Variants in STPG2 observed in about 807,000 individuals in gnomAD.
STPG2 encodes the protein sperm tail PG-rich repeat containing 2.
A neutral mutation model predicts 54.2 loss-of-function variants in STPG2; 56 were observed. The observed-to-expected ratio is 1.03, with a 90% CI of 0.83 to 1.29. STPG2 has a LOEUF of 1.29. Among genes scored for constraint, STPG2 ranks in the 50% most tolerant of loss-of-function variants. STPG2 has a pLI of 0.00. For missense variants in STPG2, 596 were observed against 544.9 expected, an observed-to-expected ratio of 1.09 and a Z score of -0.93; for synonymous variants, 200 against 181.8, an observed-to-expected ratio of 1.10 and a Z score of -0.81.
At chr4:97,571,896 T>G (rs750983882) in intron 10 of STPG2, among the ~76,000 whole-genome samples, 3 of 152,156 alleles carry the variant, frequency 2.0e-5, no homozygotes, top group Admixed American at 1.3e-4. Context: ...TGCAAGTATA[T>G]GTATGACATT....
At chr4:97,767,575 T>C (rs1423003690) in intron 9 of STPG2, among the ~76,000 whole-genome samples, 1 of 152,206 alleles carries the variant, frequency 6.6e-6, no homozygotes, top group African/African-American at 2.4e-5. Context: ...TATGTTTCTG[T>C]GCAGTTTGTT....
intron 8 of STPG2, among the ~76,000 whole-genome samples, chr4:97,841,907 G>T (rs1041186024): frequency 6.6e-5 from 10 of 151,642 alleles, no homozygotes; most frequent in African/African-American, 2.2e-4. Flanking sequence ...TCTATAAAAG[G>T]GTTAAGTGAA....
At chr4:97,499,144 T>C (rs927248741) in intron 4 of STPG2, among the ~76,000 whole-genome samples, 1 of 151,382 alleles carries the variant, frequency 6.6e-6, no homozygotes. Context: ...TGAGAAAGTA[T>C]CATCAAGAGT....
At chr4:97,940,763 T>G (rs1170979893) in intron 8 of STPG2, among the ~76,000 whole-genome samples, 1 of 152,174 alleles carries the variant, frequency 6.6e-6, no homozygotes, top group Non-Finnish European at 1.5e-5. Context: ...TCATTATTAT[T>G]CCCTACAGAG....
At chr4:97,474,659 A>ATG (rs1441045738) in intron 4 of STPG2, among the ~76,000 whole-genome samples, 3 of 152,172 alleles carry the variant, frequency 2.0e-5, no homozygotes, top group Admixed American at 6.5e-5. Flanking sequence ...GCCTACATTA[A>ATG]TGTCATTACT....
intron 9 of STPG2, among the ~76,000 whole-genome samples, chr4:97,769,213 A>C (rs149959717): frequency 6.6e-6 from 1 of 152,302 alleles, no homozygotes; most frequent in Non-Finnish European, 1.5e-5. Context: ...TACAGTATGC[A>C]CAAGGTAGCT....
chr4:97,718,440 A>AAAG (rs1253180349), intron 9 of STPG2, among the ~76,000 whole-genome samples: 2 of 152,008 alleles, frequency 1.3e-5, no homozygotes, highest in Admixed American at 6.6e-5. Flanking sequence ...AGCTAGAGTC[A>AAAG]AAGAGTTTAG....
intron 7 of STPG2, among the ~76,000 whole-genome samples, chr4:97,970,836 T>C (rs1734299771): frequency 6.6e-6 from 1 of 152,210 alleles, no homozygotes; most frequent in Non-Finnish European, 1.5e-5. Context: ...AAAGAGCTTC[T>C]GCATGGCAAA....
chr4:97,923,956 G>A (rs973774496), intron 8 of STPG2, among the ~76,000 whole-genome samples: 2 of 152,180 alleles, frequency 1.3e-5, no homozygotes, highest in African/African-American at 2.4e-5. Flanking sequence ...CCAGATAAGA[G>A]AATAAAAGCA....
At position 98,134,395 on chromosome 4, in the gene STPG2, A is replaced by G; in HGVS notation, c.174T>C (p.Ile58=). The stretch of plus-strand genomic sequence containing the variant: ...GTCCTGGACCTGGAACAGCTTTCTC[A>G]ATGCTAGAGGCAATGGTAAAAGTAC... ...RESTFTIASS[I]EKAVPGPGHY... is the part of the protein sequence containing the mutation. Residue 58 remains isoleucine (I), a synonymous_variant, in exon 2 of 11, where the codon ATT becomes ATC. Transcript: ENST00000295268. 6.3e-7 allele frequency: 1 copy of G among 1,586,326 alleles called. No individual in the cohort carries two copies. The highest frequency in any genetic ancestry group is 1.4e-5 in the African/African-American group (1 of 73,936).
At chr4:97,533,127 C>A (rs557580044) in intron 4 of STPG2, among the ~76,000 whole-genome samples, 2 of 152,064 alleles carry the variant, frequency 1.3e-5, no homozygotes, top group South Asian at 4.2e-4. Flanking sequence ...ATGATCCCCC[C>A]GCCTCGGCCT....
chr4:97,514,808 ATTTCT>A (rs1468882974), intron 4 of STPG2, among the ~76,000 whole-genome samples: 1 of 151,984 alleles, frequency 6.6e-6, no homozygotes, highest in Non-Finnish European at 1.5e-5. Flanking sequence ...TCAAGTCTGA[ATTTCT>A]TTAGTTGCAG....
chr4:97,572,099 C>T (rs1732615965), intron 10 of STPG2, among the ~76,000 whole-genome samples: 1 of 152,112 alleles, frequency 6.6e-6, no homozygotes, highest in African/African-American at 2.4e-5. Flanking sequence ...GACTATTGGT[C>T]TTAACTATGT....
intron 9 of STPG2, among the ~76,000 whole-genome samples, chr4:97,778,605 T>G (rs772169854): frequency 6.6e-6 from 1 of 152,140 alleles, no homozygotes; most frequent in African/African-American, 2.4e-5. Flanking sequence ...AGCATGGAGT[T>G]TGAGATCACG....
intron 10 of STPG2, among the ~76,000 whole-genome samples, chr4:97,691,480 T>C (rs1405455644): frequency 6.6e-6 from 1 of 151,994 alleles, no homozygotes. Flanking sequence ...AACTCTATTG[T>C]ACTGGGAACC....
At chr4:97,936,205 C>T (rs1392846714) in intron 8 of STPG2, among the ~76,000 whole-genome samples, 1 of 152,092 alleles carries the variant, frequency 6.6e-6, no homozygotes, top group African/African-American at 2.4e-5. Context: ...GCAACCCCTG[C>T]TTTTTTCTGT....
chr4:97,836,437 G>A (rs1477532721), intron 9 of STPG2, among the ~76,000 whole-genome samples: 2 of 151,634 alleles, frequency 1.3e-5, no homozygotes, highest in Non-Finnish European at 2.9e-5. Flanking sequence ...TAATGCTATC[G>A]CACACTTAAT....
At chr4:97,469,280 T>A (rs1047948072) in intron 4 of STPG2, among the ~76,000 whole-genome samples, 1 of 152,080 alleles carries the variant, frequency 6.6e-6, no homozygotes, top group Non-Finnish European at 1.5e-5. Flanking sequence ...AAGAACTGAG[T>A]TCATGCTAAA....
intron 8 of STPG2, among the ~76,000 whole-genome samples, chr4:97,909,371 C>T (rs1485430334): frequency 6.6e-6 from 1 of 151,820 alleles, no homozygotes; most frequent in Non-Finnish European, 1.5e-5. Flanking sequence ...AAGAATCTAC[C>T]CTCAAATGGT....
Sources: gnomAD v4.1 joint callset for allele counts (sites outside exome capture counted in the v4.1 genomes callset) on GRCh38, gnomAD v4.1.1 for gene constraint, MANE v1.5 for transcripts, NCBI Gene and HGNC (gene_info 2026-07-23, HGNC 2026-07-21) for gene names.